Variants in ACTN2 observed in about 807,000 individuals in gnomAD.
ACTN2 encodes alpha-actinin-2.
A neutral mutation model predicts 113.8 loss-of-function variants in ACTN2; 39 were observed. The ratio of observed to expected loss-of-function variants is 0.34; its 90% CI spans 0.27 to 0.45. ACTN2 has a LOEUF of 0.45. Among genes scored for constraint, ACTN2 ranks in the 20% least tolerant of loss-of-function variants. The probability of loss-of-function intolerance (pLI) is 1.00; values close to 1 mark genes in which losing one functional copy is unlikely to be tolerated. For synonymous variants in ACTN2, 429 were observed against 444.1 expected (o/e 0.97, Z 0.43); for missense variants, 992 against 1,177.9 (o/e 0.84, Z 2.31).
rs1659789152 is a variant in ACTN2 at position 236,764,434 on chromosome 1, A to G, written c.*1815A>G. On this transcript the variant is annotated 3_prime_UTR_variant, in exon 21 of 21. Coordinates refer to ENST00000366578, the MANE Select transcript of ACTN2 (RefSeq NM_001103.4). ...GGTAACTCATCTACCTAAACTTTTA[A>G]TTTCTTTACAACATTCAGCAAGAGA... 1 of 152,128 alleles carries G rather than the reference A, an allele frequency of 6.6e-6. No homozygotes were observed. Among genetic ancestry groups the G allele is most frequent in the South Asian group, 2.1e-4 (1 of 4,824 alleles). The allele number at this position is 152,128 out of a possible 1,614,324, so 9.4% of individuals were successfully genotyped here. A position where few individuals can be genotyped will look rare whatever the true frequency, so the allele number is the denominator to read the frequency against.
chr1:236,740,879 G>A (rs1315498191), intron 10 of ACTN2, among the ~76,000 whole-genome samples: 1 of 151,802 alleles, frequency 6.6e-6, no homozygotes, highest in Non-Finnish European at 1.5e-5. Context: ...TCCTACTTTG[G>A]CCCTCCTGTT....
intron 1 of ACTN2, among the ~76,000 whole-genome samples, chr1:236,717,078 GC>G (rs144178170): frequency 0.94 from 141,931 of 151,716 alleles, 66,454 homozygotes; most frequent in Admixed American, 0.95. Context: ...CAAGTGATCT[GC>G]CCTGCCTCAG....
chr1:236,729,887 A>G (rs1390323206), intron 6 of ACTN2, among the ~76,000 whole-genome samples: 2 of 152,236 alleles, frequency 1.3e-5, no homozygotes, highest in African/African-American at 4.8e-5. Context: ...GTAGATCTGT[A>G]GTAATTGGTC....
Position 236,705,020 on chromosome 1 carries a change from C to T in ACTN2, c.127-12838C>T, listed in dbSNP as rs115979195. ...TGACCGACAGTCAGATAAGGTAGGT[C>T]AGATCATTGCTTTACGGCCAGCTCC... is the stretch of plus-strand genomic sequence containing the variant. On this transcript the variant is annotated intron_variant, in intron 1 of 20. Transcript: ENST00000366578. 6.9e-3 allele frequency among the ~76,000 whole-genome samples: 1,050 copies of T among 152,218 alleles called. 11 individuals are homozygous for T. Among genetic ancestry groups the T allele is most frequent in the African/African-American group, 0.023 (953 of 41,512 alleles).
intron 10 of ACTN2, among the ~76,000 whole-genome samples, chr1:236,741,232 G>A (rs932444267): frequency 6.6e-6 from 1 of 151,620 alleles, no homozygotes; most frequent in African/African-American, 2.4e-5. Flanking sequence ...GCAGAGATGG[G>A]GTCTTGCTGT....
intron 7 of ACTN2, 145 bp downstream of exon 7, chr1:236,731,459 A>G (rs1658711082): frequency 8.9e-6 from 6 of 674,774 alleles, no homozygotes; most frequent in Middle Eastern, 2.5e-4. Flanking sequence ...CACTGGCCAC[A>G]TAAGTAGTAG....
At chr1:236,711,056 C>G (rs1185529121) in intron 1 of ACTN2, among the ~76,000 whole-genome samples, 1 of 152,222 alleles carries the variant, frequency 6.6e-6, no homozygotes, top group Non-Finnish European at 1.5e-5. Context: ...ATCTGTATGA[C>G]TCCAAGGCAC....
intron 8 of ACTN2, chr1:236,736,754 T>C: frequency 1.1e-6 from 1 of 886,254 alleles, no homozygotes; most frequent in East Asian, 2.6e-5. Context: ...CCCATCGTCA[T>C]GAGATCAGTG....
At chr1:236,695,591 T>A (rs1047721490) in intron 1 of ACTN2, among the ~76,000 whole-genome samples, 1 of 99,746 alleles carries the variant, frequency 1.0e-5, no homozygotes, top group Non-Finnish European at 1.9e-5. Flanking sequence ...TTGAAAACCT[T>A]CACCCACTTA....
chr1:236,740,104 C>G (rs1438986225), intron 10 of ACTN2, among the ~76,000 whole-genome samples: 1 of 152,060 alleles, frequency 6.6e-6, no homozygotes, highest in Non-Finnish European at 1.5e-5. Flanking sequence ...CGCTCCCTCC[C>G]CACTCACTCA....
At chr1:236,746,946 C>T (rs1393994498) in intron 12 of ACTN2, among the ~76,000 whole-genome samples, 2 of 152,284 alleles carry the variant, frequency 1.3e-5, no homozygotes, top group Middle Eastern at 3.4e-3. Context: ...GGACCTGATA[C>T]TCTACCCAGT....
At chr1:236,726,389 C>G (rs707207) in intron 5 of ACTN2, among the ~76,000 whole-genome samples, 12,789 of 152,176 alleles carry the variant, frequency 0.084, 686 homozygotes, top group East Asian at 0.17. Flanking sequence ...CTGCGTACCC[C>G]CCACTAGCGA....
intron 11 of ACTN2, among the ~76,000 whole-genome samples, chr1:236,743,818 A>T (rs1453426094): frequency 6.6e-6 from 1 of 152,196 alleles, no homozygotes; most frequent in African/African-American, 2.4e-5. Context: ...GCCCCGGATG[A>T]ATTCTTAATC....
chr1:236,689,300 GATATATATAT>G lies in ACTN2; in HGVS notation c.126+2531_126+2540del, dbSNP rs57239117. Among the ~76,000 whole-genome samples, 974 of 122,562 alleles carry G rather than the reference GATATATATAT, an allele frequency of 7.9e-3. 20 individuals carry two copies. The highest frequency in any genetic ancestry group is 0.024 in the African/African-American group (832 of 35,044). The allele number at this position is 122,562 out of a possible 152,430, so 80.4% of individuals were successfully genotyped here. ...AAAATGCCTGCAGTATTACAGATGT[GATATATATAT>G]ATATATATATATATATATATATATA... On this transcript the variant is annotated intron_variant, in intron 1 of 20. Coordinates refer to ENST00000366578, the MANE Select transcript of ACTN2 (RefSeq NM_001103.4).
At chr1:236,745,981 G>A (rs1225256113) in intron 12 of ACTN2, among the ~76,000 whole-genome samples, 2 of 151,800 alleles carry the variant, frequency 1.3e-5, no homozygotes, top group Non-Finnish European at 2.9e-5. Flanking sequence ...GGCTAACACG[G>A]TGAAACCCCG....
At chr1:236,723,063 A>C (rs1658448718) in intron 4 of ACTN2, among the ~76,000 whole-genome samples, 1 of 152,218 alleles carries the variant, frequency 6.6e-6, no homozygotes, top group Non-Finnish European at 1.5e-5. Flanking sequence ...AAACTCCGTG[A>C]CTTGTAAATC....
At chr1:236,691,125 G>T (rs915883260) in intron 1 of ACTN2, among the ~76,000 whole-genome samples, 18 of 151,544 alleles carry the variant, frequency 1.2e-4, no homozygotes, top group African/African-American at 4.1e-4. Context: ...TGTATTTTTA[G>T]TAGAGACGGG....
intron 1 of ACTN2, among the ~76,000 whole-genome samples, chr1:236,707,355 A>G (rs1196313011): frequency 1.3e-5 from 2 of 152,234 alleles, no homozygotes; most frequent in Non-Finnish European, 2.9e-5. Flanking sequence ...ATATTCCATG[A>G]ATTGTGCTAA....
At chr1:236,708,325 G>A (rs1463071610) in intron 1 of ACTN2, among the ~76,000 whole-genome samples, 1 of 152,146 alleles carries the variant, frequency 6.6e-6, no homozygotes, top group East Asian at 1.9e-4. Context: ...AAATCCTTGG[G>A]ATTAACACAC....
Sources: gnomAD v4.1 joint callset for allele counts (sites outside exome capture counted in the v4.1 genomes callset) on GRCh38, gnomAD v4.1.1 for gene constraint, MANE v1.5 for transcripts, NCBI Gene and HGNC (gene_info 2026-07-23, HGNC 2026-07-21) for gene names.